ZNF541: variants seen among roughly 807,000 people sequenced by gnomAD.
The protein encoded by ZNF541 is zinc finger protein 541.
In ZNF541, 23 loss-of-function variants were observed where a neutral mutation model predicts 123.5. The observed-to-expected ratio is 0.19, with a 90% CI of 0.13 to 0.26. The LOEUF (loss-of-function observed/expected upper bound fraction) is 0.26. Ranked by LOEUF, ZNF541 falls within the 10% of genes least tolerant of loss-of-function variation. The probability of loss-of-function intolerance (pLI) is 1.00; values close to 1 mark genes in which losing one functional copy is unlikely to be tolerated. For synonymous variants in ZNF541, 751 were observed against 754.5 expected, an observed-to-expected ratio of 1.00 and a Z score of 0.08; for missense variants, 1,612 against 1,789.9, an observed-to-expected ratio of 0.90 and a Z score of 1.79.
rs539874712 is a variant in ZNF541 at position 47,521,785 on chromosome 19, C to T, written c.3711+69G>A. On this transcript the variant is annotated intron_variant, in intron 15 of 16. Coordinates refer to ENST00000391901, the MANE Select transcript of ZNF541 (RefSeq NM_001277075.3). The surrounding 1 kb of genome is among the most constrained non-coding windows in gnomAD (Gnocchi z 4.2). ...GAGCACCCCCGCCCTCTGACCCCAC[C>T]GTCCAACTCAACGGGTAGCAGGCAC... 41 of 1,532,130 alleles carry T rather than the reference C, an allele frequency of 2.7e-5. No individual in the cohort carries two copies. The highest frequency in any genetic ancestry group is 2.6e-4 in the African/African-American group (19 of 72,540). 94.9% of individuals were successfully genotyped at this position (1,532,130 alleles called of 1,614,324 possible). A position where few individuals can be genotyped will look rare whatever the true frequency, so the allele number is the denominator to read the frequency against.
At position 47,545,495 on chromosome 19, in the gene ZNF541, G is replaced by C; in HGVS notation, c.1034C>G (p.Pro345Arg). ...PEEPCLPQKE[P>R]ATDVFTAPNS... is the part of the protein sequence containing the mutation. ...AGGGGCTGTGAACACGTCAGTGGCC[G>C]GCTCTTTCTGTGGGAGGCAAGGCTC... The change falls in exon 5 of 17, where the codon CCG becomes CGG. Residue 345 changes from proline (P) to arginine (R), a missense_variant. This residue lies in a region of ZNF541 where 1,080 missense variants were observed against 1,013.8 expected (regional missense o/e 1.07). Transcript: ENST00000391901. The surrounding 1 kb of genome is among the most constrained non-coding windows in gnomAD (Gnocchi z 7.5). The C allele has an allele frequency of 2.0e-6, 3 of 1,495,328 alleles. No individual in the cohort carries two copies. Among genetic ancestry groups the C allele is most frequent in the Non-Finnish European group, 2.7e-6 (3 of 1,119,058 alleles). 92.6% of individuals were successfully genotyped at this position (1,495,328 alleles called of 1,614,324 possible). A position where few individuals can be genotyped will look rare whatever the true frequency, so the allele number is the denominator to read the frequency against.
intron 9 of ZNF541, among the ~76,000 whole-genome samples, chr19:47,536,340 C>T (rs138190353): frequency 0.018 from 2,725 of 152,306 alleles, 89 homozygotes; most frequent in African/African-American, 0.062. Flanking sequence ...TCAGTTCAAG[C>T]GATTCTCCTG....
At chr19:47,533,120 G>A (rs1311840549) in intron 9 of ZNF541, 148 bp from the exon 10 acceptor site, 17 of 583,126 alleles carry the variant, frequency 2.9e-5, no homozygotes, top group Non-Finnish European at 4.0e-5. Context: ...TGTAATCCCA[G>A]CACTTTGGGA....
In ZNF541 at chr19:47,531,688, A is replaced by T; in HGVS notation, c.3359T>A (p.Leu1120Gln). The stretch of plus-strand genomic sequence containing the variant: ...GTGCAGGCAGTGCAGAGCGAGCTCC[A>T]GGTTGGTGCCCCCTCCTGGCATCAC... ...SSVMPGGGTN[L>Q]ELALHCLHEA... Residue 1120 changes from leucine (L) to glutamine (Q), a missense_variant, in exon 12 of 17, where the codon CTG becomes CAG. By Grantham distance (113) the Leu-to-Gln change is moderately radical. Coordinates refer to ENST00000391901, the MANE Select transcript of ZNF541 (RefSeq NM_001277075.3). 6.5e-7 allele frequency: 1 copy of T among 1,548,794 alleles called. No homozygotes were observed. The highest frequency in any genetic ancestry group is 8.7e-7 in the Non-Finnish European group (1 of 1,144,818).
Position 47,545,442 on chromosome 19 carries a change from G to T in ZNF541, c.1087C>A (p.Pro363Thr). 1 of 1,476,512 alleles carries T rather than the reference G, an allele frequency of 6.8e-7. No individual in the cohort carries two copies. Among genetic ancestry groups the T allele is most frequent in the Non-Finnish European group, 9.0e-7 (1 of 1,111,236 alleles). The allele number at this position is 1,476,512 out of a possible 1,614,324, so 91.5% of individuals were successfully genotyped here. ...PNSRAAENGA[P>T]DPPEPEPDTA... ...TCTGGCTCCGGCTCTGGCGGGTCGG[G>T]GGCGCCGTTCTCGGCGGCCCTGGAA... Residue 363 changes from proline (P) to threonine (T), a missense_variant, in exon 5 of 17, where the codon CCC (proline) becomes ACC (threonine). Pro to Thr is a conservative substitution (Grantham distance 38, BLOSUM62 -1). Around this residue, in one of 5 missense-constraint regions of ZNF541, gnomAD observed 1,080 missense variants for 1,013.8 expected, o/e 1.07. Coordinates refer to ENST00000391901, the MANE Select transcript of ZNF541 (RefSeq NM_001277075.3). This position sits in a 1 kb window ranked among gnomAD's most constrained non-coding sequence, Gnocchi z 7.5.
Position 47,538,321 on chromosome 19 carries a change from C to T in ZNF541, c.2915G>A (p.Ser972Asn). 6.5e-7 allele frequency: 1 copy of T among 1,544,072 alleles called. No individual in the cohort carries two copies. The highest frequency in any genetic ancestry group is 8.8e-7 in the Non-Finnish European group (1 of 1,142,472). The change falls in exon 9 of 17, where the codon AGC (serine) becomes AAC (asparagine). Residue 972 changes from serine to asparagine, a missense_variant. This residue lies in a region of ZNF541 where 285 missense variants were observed against 407.3 expected (regional missense o/e 0.70). Transcript: ENST00000391901. ...CAGGAACATGGGTGACCGCAGGCGG[C>T]TCTGGTGGCATCCTGCAGGGCCAGG... ...GEPGPAGCHQ[S>N]RLRSPMFLVD...
intron 12 of ZNF541, among the ~76,000 whole-genome samples, chr19:47,530,391 C>A (rs940811284): frequency 6.7e-6 from 1 of 148,302 alleles, no homozygotes; most frequent in South Asian, 2.1e-4. Context: ...ACCATGTTAG[C>A]CAGGCTGGTC....
intron 3 of ZNF541, among the ~76,000 whole-genome samples, chr19:47,551,723 G>T (rs762192985): frequency 2.6e-5 from 4 of 151,830 alleles, no homozygotes; most frequent in Non-Finnish European, 5.9e-5. Flanking sequence ...TTGTAGAGAT[G>T]GGGTCTCACT....
intron 14 of ZNF541, among the ~76,000 whole-genome samples, chr19:47,524,661 T>C (rs958682496): frequency 1.7e-4 from 24 of 145,012 alleles, no homozygotes; most frequent in Admixed American, 1.3e-3. Context: ...TGAGCTGAGA[T>C]CGTACCACTG....
rs1166810809 is a variant in ZNF541 at position 47,544,825 on chromosome 19, G to C, written c.1704C>G (p.Phe568Leu). Residue 568 changes from phenylalanine to leucine, a missense_variant, in exon 5 of 17, where the codon TTC (phenylalanine) becomes TTG (leucine). Phe to Leu is a conservative substitution (Grantham distance 22, BLOSUM62 0). Coordinates refer to ENST00000391901, the MANE Select transcript of ZNF541 (RefSeq NM_001277075.3). ...AGACTGCTGCCACCTGGGCATGGGAGAAGATCCGCTGGGACTTGGTGATCA... is the reference window on the plus strand; with the variant it reads ...AGACTGCTGCCACCTGGGCATGGGACAAGATCCGCTGGGACTTGGTGATCA... ...FQMITKSQRI[F>L]SHAQVAAVSS... 2.6e-6 allele frequency: 4 copies of C among 1,534,046 alleles called. No individual in the cohort carries two copies. The South Asian group carries it at 4.8e-5, about 18-fold the overall frequency.
intron 14 of ZNF541, among the ~76,000 whole-genome samples, chr19:47,523,950 G>A (rs1389535855): frequency 1.3e-5 from 2 of 152,178 alleles, no homozygotes; most frequent in Admixed American, 6.5e-5. Flanking sequence ...GCCAAAGCTG[G>A]GCAAAGAGCC....
intron 2 of ZNF541, among the ~76,000 whole-genome samples, chr19:47,570,678 T>TTGATTAG (rs1971445697): frequency 6.6e-6 from 1 of 151,832 alleles, no homozygotes; most frequent in East Asian, 1.9e-4. Context: ...ATTTTGAAAG[T>TTGATTAG]TGATTAGTTT....
At chr19:47,566,397 A>G (rs1016774712) in intron 2 of ZNF541, among the ~76,000 whole-genome samples, 2 of 152,136 alleles carry the variant, frequency 1.3e-5, no homozygotes, top group Non-Finnish European at 2.9e-5. Flanking sequence ...ATTTACAAAT[A>G]TATTTTATTT....
At chr19:47,533,314 C>A (rs1002630455) in intron 9 of ZNF541, among the ~76,000 whole-genome samples, 6 of 126,080 alleles carry the variant, frequency 4.8e-5, no homozygotes, top group African/African-American at 1.8e-4. Context: ...GAGCCGAGAT[C>A]GCGCCACTGC....
At chr19:47,558,213 G>A (rs540752307) in intron 2 of ZNF541, among the ~76,000 whole-genome samples, 60 of 152,172 alleles carry the variant, frequency 3.9e-4, no homozygotes, top group African/African-American at 1.2e-3. Flanking sequence ...TCAGGAGATC[G>A]AGACCATCCC....
chr19:47,543,845 T>C (rs928300121), intron 5 of ZNF541, among the ~76,000 whole-genome samples: 1 of 152,054 alleles, frequency 6.6e-6, no homozygotes, highest in African/African-American at 2.4e-5. Flanking sequence ...GGTTTCGCCA[T>C]GTTGCCTAGG....
chr19:47,546,626 T>C (rs1338764597), intron 4 of ZNF541, among the ~76,000 whole-genome samples: 2 of 151,836 alleles, frequency 1.3e-5, no homozygotes, highest in Non-Finnish European at 2.9e-5. Context: ...ACCTCCAGAG[T>C]TGCTCCTCAA....
At chr19:47,539,916 A>G in intron 7 of ZNF541, 38 bp from the exon 8 acceptor site, 1 of 1,512,730 alleles carries the variant, frequency 6.6e-7, no homozygotes, top group South Asian at 1.3e-5. Flanking sequence ...TTTAAGAGAT[A>G]AGGTAGGTGG....
chr19:47,563,081 C>T lies in ZNF541; in HGVS notation c.-98-7127G>A, dbSNP rs1971128262. Among the ~76,000 whole-genome samples the T allele has an allele frequency of 2.0e-5, 3 of 152,130 alleles. No homozygotes were observed. The South Asian group carries it at 6.2e-4, about 32-fold the overall frequency. Reference sequence around the variant, plus strand: ...ATGTTGATATGTAATAGAACCTCTGCACCTGCAATGTCTGCATTGCATGTT... The same window carrying T: ...ATGTTGATATGTAATAGAACCTCTGTACCTGCAATGTCTGCATTGCATGTT... On this transcript the variant is annotated intron_variant, in intron 2 of 16. Coordinates refer to ENST00000391901, the MANE Select transcript of ZNF541 (RefSeq NM_001277075.3).
Sources: allele counts gnomAD v4.1 joint callset (sites outside exome capture counted in the v4.1 genomes callset), GRCh38; gene constraint gnomAD v4.1.1; regional missense constraint gnomAD v4.1.1; non-coding constraint Gnocchi (gnomAD v3.1); transcripts MANE v1.5; gene names NCBI Gene and HGNC (gene_info 2026-07-23, HGNC 2026-07-21).